CIMIP6: variants seen among roughly 807,000 people sequenced by gnomAD.
The protein encoded by CIMIP6 is ciliary microtubule inner protein 6.
the CIMIP6 span, among the ~76,000 whole-genome samples, chr2:54,336,054 A>G: frequency 2.0e-5 from 3 of 152,224 alleles, no homozygotes; most frequent in African/African-American, 7.2e-5. Context: ...GCAAGGTAAC[A>G]TTCACAGATT....
At chr2:54,375,102 A>G in the CIMIP6 span, among the ~76,000 whole-genome samples, 65 of 152,202 alleles carry the variant, frequency 4.3e-4, 1 homozygote, top group African/African-American at 1.5e-3. Context: ...CCCAAACAAG[A>G]CCCCAAACCC....
At chr2:54,381,224 C>A in the CIMIP6 span, among the ~76,000 whole-genome samples, 1 of 152,164 alleles carries the variant, frequency 6.6e-6, no homozygotes, top group African/African-American at 2.4e-5. Flanking sequence ...CTTCTCTGTT[C>A]CAGACCAATG....
chr2:54,337,450 A>G, the CIMIP6 span, among the ~76,000 whole-genome samples: 2 of 152,198 alleles, frequency 1.3e-5, no homozygotes, highest in African/African-American at 4.8e-5. Flanking sequence ...GGGGAAATTA[A>G]TTTGGTACCA....
chr2:54,374,331 AGTCCTTTTCAAAACAAG>A, the CIMIP6 span, among the ~76,000 whole-genome samples: 2 of 152,234 alleles, frequency 1.3e-5, no homozygotes, highest in African/African-American at 4.8e-5. Context: ...AAGTGCTGGA[AGTCCTTTTCAAAACAAG>A]GTATTCTGAG....
At chr2:54,334,685 C>A in the CIMIP6 span, 4 of 658,370 alleles carry the variant, frequency 6.1e-6, no homozygotes, top group Non-Finnish European at 1.0e-5. Context: ...CAGCACAAAC[C>A]CTTATAACTA....
chr2:54,364,891 A>G, the CIMIP6 span, among the ~76,000 whole-genome samples: 102 of 152,358 alleles, frequency 6.7e-4, 1 homozygote, highest in African/African-American at 2.4e-3. Context: ...ACAACTAAGC[A>G]CTAAAACAAG....
the CIMIP6 span, among the ~76,000 whole-genome samples, chr2:54,338,977 C>T: frequency 1.5e-5 from 1 of 66,728 alleles, no homozygotes; most frequent in South Asian, 3.3e-4. Flanking sequence ...TGGTGAGACC[C>T]CCCCCCATCT....
chr2:54,367,581 TTA>T, the CIMIP6 span, among the ~76,000 whole-genome samples: 4 of 152,094 alleles, frequency 2.6e-5, no homozygotes, highest in Non-Finnish European at 2.9e-5. Context: ...CATGAAACCA[TTA>T]GTCAGAATTG....
the CIMIP6 span, among the ~76,000 whole-genome samples, chr2:54,364,125 G>C: frequency 6.6e-6 from 1 of 152,168 alleles, no homozygotes; most frequent in Non-Finnish European, 1.5e-5. Context: ...TGATTTCCAG[G>C]TTTAAGTCTC....
chr2:54,354,509 A>T, the CIMIP6 span, among the ~76,000 whole-genome samples: 1 of 152,114 alleles, frequency 6.6e-6, no homozygotes, highest in Non-Finnish European at 1.5e-5. Context: ...CTTTAACAGA[A>T]TTTAAATTTT....
chr2:54,335,056 G>A, the CIMIP6 span: 1 of 1,509,242 alleles, frequency 6.6e-7, no homozygotes, highest in East Asian at 2.3e-5. Context: ...TACAAATAGA[G>A]ATTTAGATTC....
chr2:54,378,435 A>C, the CIMIP6 span, among the ~76,000 whole-genome samples: 1 of 152,232 alleles, frequency 6.6e-6, no homozygotes, highest in Non-Finnish European at 1.5e-5. Context: ...GCAGCAACTT[A>C]AATTCTTCCC....
chr2:54,367,607 A>T, the CIMIP6 span, among the ~76,000 whole-genome samples: 1 of 152,158 alleles, frequency 6.6e-6, no homozygotes, highest in East Asian at 1.9e-4. Flanking sequence ...TTCTCTAAGG[A>T]ACATGGCCCT....
At chr2:54,373,044 T>C in the CIMIP6 span, among the ~76,000 whole-genome samples, 1 of 152,120 alleles carries the variant, frequency 6.6e-6, no homozygotes. Context: ...CCACAGGCAG[T>C]GGTCTCCTAC....
chr2:54,349,938 C>A, the CIMIP6 span, among the ~76,000 whole-genome samples: 3 of 150,962 alleles, frequency 2.0e-5, no homozygotes, highest in Non-Finnish European at 4.4e-5. Context: ...CAACCTCTGT[C>A]TCCCGGGCTC....
At chr2:54,373,347 A>G in the CIMIP6 span, among the ~76,000 whole-genome samples, 1 of 147,010 alleles carries the variant, frequency 6.8e-6, no homozygotes, top group Non-Finnish European at 1.5e-5. Flanking sequence ...CACACCCCCC[A>G]TGGCTGTAAC....
the CIMIP6 span, among the ~76,000 whole-genome samples, chr2:54,376,072 G>A: frequency 6.6e-6 from 1 of 152,144 alleles, no homozygotes; most frequent in East Asian, 1.9e-4. Flanking sequence ...GACTCACTCT[G>A]TTGCCAAGTC....
chr2:54,345,308 T>C, the CIMIP6 span, among the ~76,000 whole-genome samples: 1 of 152,190 alleles, frequency 6.6e-6, no homozygotes, highest in African/African-American at 2.4e-5. Flanking sequence ...GCAAAGGAGT[T>C]TGGGCTAGGG....
chr2:54,357,574 G>A, the CIMIP6 span, among the ~76,000 whole-genome samples: 2 of 107,586 alleles, frequency 1.9e-5, no homozygotes, highest in South Asian at 2.9e-4. Context: ...AAACTCTTAC[G>A]TACTTTTTTT....
Sources: allele counts gnomAD v4.1 joint callset (sites outside exome capture counted in the v4.1 genomes callset), GRCh38; gene constraint gnomAD v4.1.1; transcripts MANE v1.5; gene names NCBI Gene and HGNC (gene_info 2026-07-23, HGNC 2026-07-21).